Variants in EHF observed in about 807,000 individuals in gnomAD.
The protein encoded by EHF is ETS homologous factor.
Under a neutral mutation model 45.1 loss-of-function variants are expected in EHF, and 14 were observed. The observed-to-expected ratio is 0.31, with a 90% CI of 0.21 to 0.49. EHF has a LOEUF of 0.49. Ranked by LOEUF, EHF falls within the 20% of genes least tolerant of loss-of-function variation. The pLI is 0.99. For missense variants in EHF, 282 were observed against 371.4 expected (o/e 0.76, Z 1.98); for synonymous variants, 136 against 131.8 (o/e 1.03, Z -0.22).
At chr11:34,632,742 A>T in intron 1 of EHF, 1 of 1,455,518 alleles carries the variant, frequency 6.9e-7, no homozygotes, top group Non-Finnish European at 9.3e-7. Flanking sequence ...GAATGAGCTC[A>T]GATGACTTTG....
At chr11:34,634,871 TG>T (rs1853238977) in intron 1 of EHF, among the ~76,000 whole-genome samples, 1 of 152,186 alleles carries the variant, frequency 6.6e-6, no homozygotes, top group African/African-American at 2.4e-5. Context: ...GAGTCTTCTC[TG>T]GCAAAGCACC....
chr11:34,663,116 A>T lies in EHF; in HGVS notation c.*4185A>T, dbSNP rs1261434129. ...CCTGGGTTGACAATTTGTGGAAACA[A>T]CTCTATTGCTACTATTTAAAAAAAA... is the stretch of plus-strand genomic sequence containing the variant. On this transcript the variant is annotated 3_prime_UTR_variant, in exon 9 of 9. Coordinates refer to ENST00000257831, the MANE Select transcript of EHF (RefSeq NM_012153.6). Among the ~76,000 whole-genome samples, 1 of 151,946 alleles carries T rather than the reference A, an allele frequency of 6.6e-6. No individual in the cohort carries two copies. The highest frequency in any genetic ancestry group is 1.5e-5 in the Non-Finnish European group (1 of 67,986).
chr11:34,622,385 C>G (rs1217888575), intron 1 of EHF: 1 of 1,282,796 alleles, frequency 7.8e-7, no homozygotes, highest in African/African-American at 1.5e-5. Flanking sequence ...TGATGGAAGT[C>G]TAATTCAGGA....
chr11:34,648,522 T>C (rs2134158651), intron 3 of EHF, among the ~76,000 whole-genome samples: 1 of 152,312 alleles, frequency 6.6e-6, no homozygotes, highest in African/African-American at 2.4e-5. Flanking sequence ...GATGTAATCA[T>C]GATGGCATTG....
chr11:34,646,027 GGTGTGTGTGTGT>G lies in EHF; in HGVS notation c.98-383_98-372del, dbSNP rs71041935. Among the ~76,000 whole-genome samples, 640 of 144,314 alleles carry G rather than the reference GGTGTGTGTGTGT, an allele frequency of 4.4e-3. 2 individuals carry two copies. Among genetic ancestry groups the G allele is most frequent in the African/African-American group, 0.013 (526 of 39,086 alleles). The allele number at this position is 144,314 out of a possible 152,430, so 94.7% of individuals were successfully genotyped here. ...TAGTTGAAAATGGTCTGAGTTTGGT[GGTGTGTGTGTGT>G]GTGTGTGTGTGTGTGTGTGTGTGTG... On this transcript the variant is annotated intron_variant, in intron 2 of 8. Transcript: ENST00000257831.
chr11:34,645,361 C>T (rs183203222), intron 2 of EHF, among the ~76,000 whole-genome samples: 77 of 152,198 alleles, frequency 5.1e-4, no homozygotes, highest in African/African-American at 1.8e-3. Flanking sequence ...TTAAACGTAC[C>T]TCCCAACTCC....
At chr11:34,640,861 A>G (rs906161905) in intron 1 of EHF, among the ~76,000 whole-genome samples, 3 of 152,170 alleles carry the variant, frequency 2.0e-5, no homozygotes, top group African/African-American at 7.2e-5. Flanking sequence ...CCTCATGATA[A>G]CACCTGACGT....
intron 1 of EHF, among the ~76,000 whole-genome samples, chr11:34,627,596 G>C (rs561588528): frequency 6.6e-6 from 1 of 152,184 alleles, no homozygotes; most frequent in Non-Finnish European, 1.5e-5. Context: ...CTACCTCTTG[G>C]TAAATTATTC....
chr11:34,622,695 T>G (rs894567664), intron 1 of EHF, among the ~76,000 whole-genome samples: 12 of 152,214 alleles, frequency 7.9e-5, no homozygotes, highest in Non-Finnish European at 1.8e-4. Context: ...ACTCACCAAT[T>G]CCATCTTCTT....
chr11:34,654,710 T>C (rs1855504938), intron 6 of EHF, among the ~76,000 whole-genome samples: 1 of 152,166 alleles, frequency 6.6e-6, no homozygotes, highest in Non-Finnish European at 1.5e-5. Flanking sequence ...CAAAATTTCA[T>C]GTGTACATAT....
At chr11:34,643,531 A>C (rs1334831109) in intron 2 of EHF, among the ~76,000 whole-genome samples, 1 of 152,122 alleles carries the variant, frequency 6.6e-6, no homozygotes, top group Non-Finnish European at 1.5e-5. Context: ...AAATATGGAG[A>C]TGGTTTGTTG....
intron 1 of EHF, among the ~76,000 whole-genome samples, chr11:34,634,521 G>A (rs1464358194): frequency 6.6e-6 from 1 of 152,178 alleles, no homozygotes; most frequent in Non-Finnish European, 1.5e-5. Context: ...TGGGGACAGG[G>A]AATGCAGGTG....
At chr11:34,656,624 C>T (rs1855699506) in intron 6 of EHF, among the ~76,000 whole-genome samples, 1 of 152,136 alleles carries the variant, frequency 6.6e-6, no homozygotes, top group Non-Finnish European at 1.5e-5. Context: ...TGACCTTTTC[C>T]CTCATATCCT....
chr11:34,646,743 G>T (rs1323309773), intron 3 of EHF, 59 bp downstream of exon 3: 5 of 1,588,494 alleles, frequency 3.1e-6, no homozygotes, highest in Non-Finnish European at 4.3e-6. Context: ...GAAGAATAGA[G>T]ATTCTGCAGA....
chr11:34,638,305 C>A (rs1303244762), intron 1 of EHF, among the ~76,000 whole-genome samples: 1 of 152,192 alleles, frequency 6.6e-6, no homozygotes, highest in East Asian at 1.9e-4. Context: ...AGAATACATA[C>A]CACCTGGGAA....
At chr11:34,651,922 A>C (rs1855211791) in intron 6 of EHF, 117 bp downstream of exon 6, 1 of 1,014,378 alleles carries the variant, frequency 9.9e-7, no homozygotes, top group African/African-American at 1.6e-5. Flanking sequence ...AGGGCTAGGA[A>C]AGGGATGGGG....
intron 1 of EHF, among the ~76,000 whole-genome samples, chr11:34,638,296 G>A (rs993990301): frequency 6.6e-6 from 1 of 152,188 alleles, no homozygotes; most frequent in African/African-American, 2.4e-5. Flanking sequence ...AATCTCCCCA[G>A]AATACATACC....
intron 2 of EHF, among the ~76,000 whole-genome samples, chr11:34,643,784 TC>T (rs1325662774): frequency 2.0e-5 from 3 of 152,204 alleles, no homozygotes; most frequent in African/African-American, 7.2e-5. Flanking sequence ...GAAAGTGGAT[TC>T]CAAATAAAAC....
rs775022168 is a variant in EHF at position 34,658,878 on chromosome 11, C to T, written c.850C>T (p.Leu284=). ...TCTGGAGCGTGTGGATGGACGAAGA[C>T]TGGTATATAAATTTGGGAAGAATGC... ...EILERVDGRR[L]VYKFGKNARG... The change falls in exon 9 of 9, where the codon CTG becomes TTG. Residue 284 remains leucine, a synonymous_variant. Transcript: ENST00000257831. 6 of 1,613,414 alleles carry T rather than the reference C, an allele frequency of 3.7e-6. No homozygotes were observed. In the South Asian group the frequency reaches 6.6e-5, roughly 18 times the overall value.
Sources: gnomAD v4.1 joint callset for allele counts (sites outside exome capture counted in the v4.1 genomes callset) on GRCh38, gnomAD v4.1.1 for gene constraint, MANE v1.5 for transcripts, NCBI Gene and HGNC (gene_info 2026-07-23, HGNC 2026-07-21) for gene names.